Variants in GOLM2 observed in about 807,000 individuals in gnomAD.
GOLM2 encodes protein GOLM2.
Under a neutral mutation model 55.9 loss-of-function variants are expected in GOLM2, and 26 were observed. That is an observed-to-expected ratio of 0.47 (90% CI 0.34 to 0.65). The LOEUF (loss-of-function observed/expected upper bound fraction) is 0.65, where lower values mean the gene tolerates loss of function less well. Ranked by LOEUF, GOLM2 falls within the 30% of genes least tolerant of loss-of-function variation. GOLM2 has a pLI of 0.01. For missense variants in GOLM2, 486 were observed against 531.8 expected (o/e 0.91, Z 0.85); for synonymous variants, 165 against 194.6 (o/e 0.85, Z 1.27).
rs1198174096 is a variant in GOLM2 at position 44,374,081 on chromosome 15, A to G, written c.803-5609A>G. Among the ~76,000 whole-genome samples, 3 of 152,184 alleles carry G rather than the reference A, an allele frequency of 2.0e-5. No homozygotes were observed. In the East Asian group the frequency reaches 5.8e-4, roughly 29 times the overall value. On this transcript the variant is annotated intron_variant, in intron 6 of 9. Transcript: ENST00000299957. ...ACGTCACTTCATTCTAGCCTGGGCAACAGAGCAAGACTCAGTCTCAAAAAT... is the reference window on the plus strand; with the variant it reads ...ACGTCACTTCATTCTAGCCTGGGCAGCAGAGCAAGACTCAGTCTCAAAAAT...
chr15:44,337,914 T>C lies in GOLM2; in HGVS notation c.721+7T>C, dbSNP rs2079068286. The C allele has an allele frequency of 3.8e-6, 6 of 1,580,746 alleles. No individual in the cohort carries two copies. The highest frequency in any genetic ancestry group is 5.1e-6 in the Non-Finnish European group (6 of 1,170,624). On this transcript the variant is annotated splice_region_variant and intron_variant, in intron 5 of 9. Coordinates refer to ENST00000299957, the MANE Select transcript of GOLM2 (RefSeq NM_138423.4). ...CATATTCCACATGGGAAAGGTATTATTGTTATTATTCTTTTGTTTTGTATT... is the reference window on the plus strand; with the variant it reads ...CATATTCCACATGGGAAAGGTATTACTGTTATTATTCTTTTGTTTTGTATT...
intron 6 of GOLM2, among the ~76,000 whole-genome samples, chr15:44,357,447 A>G (rs1382603794): frequency 6.6e-6 from 1 of 152,234 alleles, no homozygotes; most frequent in East Asian, 1.9e-4. Flanking sequence ...AAGTAACAAC[A>G]TACCTAGTGA....
intron 3 of GOLM2, among the ~76,000 whole-genome samples, chr15:44,330,234 T>C (rs1026435466): frequency 8.0e-6 from 1 of 125,332 alleles, no homozygotes; most frequent in African/African-American, 3.3e-5. Flanking sequence ...AAAAAAAAGC[T>C]GAGTGCAGTG....
chr15:44,343,401 C>G (rs1393670573), intron 6 of GOLM2, among the ~76,000 whole-genome samples: 6 of 151,752 alleles, frequency 4.0e-5, no homozygotes, highest in Non-Finnish European at 8.8e-5. Context: ...TTTGCCACTC[C>G]TTTTTCTCAG....
chr15:44,334,982 T>G (rs572443891), intron 4 of GOLM2, among the ~76,000 whole-genome samples: 1 of 152,222 alleles, frequency 6.6e-6, no homozygotes, highest in Admixed American at 6.5e-5. Flanking sequence ...AGTGAGCCAG[T>G]ACTGCACCAC....
At chr15:44,354,204 C>G (rs1361939906) in intron 6 of GOLM2, among the ~76,000 whole-genome samples, 1 of 149,650 alleles carries the variant, frequency 6.7e-6, no homozygotes, top group Non-Finnish European at 1.5e-5. Context: ...CTCAAGCTGT[C>G]ACAGAACACT....
chr15:44,337,892 A>G lies in GOLM2; in HGVS notation c.706A>G (p.Ile236Val). The G allele has an allele frequency of 6.3e-7, 1 of 1,595,142 alleles. No individual in the cohort carries two copies. Residue 236 changes from isoleucine (I) to valine (V), a missense_variant, in exon 5 of 10, where the codon ATT becomes GTT. Coordinates refer to ENST00000299957, the MANE Select transcript of GOLM2 (RefSeq NM_138423.4). ...DKNEEPSSNH[I>V]PHGKEQIKRG... The stretch of plus-strand genomic sequence containing the variant: ...GAATGAAGAACCCTCAAGCAATCAT[A>G]TTCCACATGGGAAAGGTATTATTGT...
chr15:44,411,265 G>GC (rs1288999833), intron 9 of GOLM2, among the ~76,000 whole-genome samples: 1 of 151,674 alleles, frequency 6.6e-6, no homozygotes, highest in East Asian at 1.9e-4. Context: ...CAAGTGATCT[G>GC]CCTGCCTCTG....
At chr15:44,312,022 T>C (rs895733192) in intron 1 of GOLM2, among the ~76,000 whole-genome samples, 1 of 152,170 alleles carries the variant, frequency 6.6e-6, no homozygotes, top group African/African-American at 2.4e-5. Context: ...TGGGAGAATG[T>C]AACAAGAAAG....
intron 8 of GOLM2, among the ~76,000 whole-genome samples, chr15:44,396,522 G>A (rs2079528218): frequency 6.6e-6 from 1 of 152,112 alleles, no homozygotes; most frequent in Non-Finnish European, 1.5e-5. Context: ...AAAGGTTAAA[G>A]TTTATCTATT....
intron 2 of GOLM2, among the ~76,000 whole-genome samples, chr15:44,328,387 A>G (rs2078998867): frequency 6.6e-6 from 1 of 152,190 alleles, no homozygotes; most frequent in African/African-American, 2.4e-5. Context: ...TTGAGGTGAG[A>G]GAATCACTTG....
chr15:44,297,093 TG>T (rs2078761426), intron 1 of GOLM2, among the ~76,000 whole-genome samples: 1 of 152,216 alleles, frequency 6.6e-6, no homozygotes, highest in Admixed American at 6.5e-5. Context: ...GTTAGAAATT[TG>T]GTGTTGTCTT....
chr15:44,327,461 T>C (rs996385250), intron 2 of GOLM2, among the ~76,000 whole-genome samples: 1 of 152,090 alleles, frequency 6.6e-6, no homozygotes, highest in African/African-American at 2.4e-5. Context: ...CCAAGTATTT[T>C]TGGAGTGCTT....
At chr15:44,341,079 C>CTTTTT in intron 6 of GOLM2, among the ~76,000 whole-genome samples, 1 of 132,242 alleles carries the variant, frequency 7.6e-6, no homozygotes, top group Non-Finnish European at 1.6e-5. Flanking sequence ...ATACTTTTCT[C>CTTTTT]TTTTTTTTTT....
rs779032891 is a variant in GOLM2, at chr15:44,379,756, C to A, written c.869C>A (p.Thr290Asn). The A allele has an allele frequency of 6.2e-7, 1 of 1,607,826 alleles. No individual in the cohort carries two copies. Among genetic ancestry groups the A allele is most frequent in the South Asian group, 1.1e-5 (1 of 90,942 alleles). The change falls in exon 7 of 10, where the codon ACT becomes AAT. Residue 290 changes from threonine (T) to asparagine (N), a missense_variant. By Grantham distance (65) the Thr-to-Asn change is moderately conservative (BLOSUM62 0). Transcript: ENST00000299957. ...ESHQAISHLP[T>N]GQPLSPNMPP... ...CATCAAGCAATCTCCCATCTTCCAA[C>A]TGGACAACCTCTCTCCCCAAATATG...
intron 1 of GOLM2, among the ~76,000 whole-genome samples, chr15:44,313,909 A>C (rs1342872935): frequency 6.6e-6 from 1 of 152,204 alleles, no homozygotes; most frequent in African/African-American, 2.4e-5. Context: ...CATTATAGCC[A>C]GTCAAGACCA....
intron 6 of GOLM2, among the ~76,000 whole-genome samples, chr15:44,341,432 T>C (rs1169896787): frequency 6.6e-6 from 1 of 152,112 alleles, no homozygotes; most frequent in Non-Finnish European, 1.5e-5. Flanking sequence ...TCTAAATGTG[T>C]AATGTCTCCA....
intron 6 of GOLM2, among the ~76,000 whole-genome samples, chr15:44,377,827 A>G (rs2141191271): frequency 6.6e-6 from 1 of 152,012 alleles, no homozygotes; most frequent in Non-Finnish European, 1.5e-5. Flanking sequence ...AAGATAGTAT[A>G]TATGATATAA....
chr15:44,324,465 A>G (rs531568316), intron 2 of GOLM2, among the ~76,000 whole-genome samples: 2 of 152,308 alleles, frequency 1.3e-5, no homozygotes, highest in East Asian at 1.9e-4. Context: ...TTGAAATTCA[A>G]TAATGTGACT....
Sources: gnomAD v4.1 joint callset for allele counts (sites outside exome capture counted in the v4.1 genomes callset) on GRCh38, gnomAD v4.1.1 for gene constraint, MANE v1.5 for transcripts, NCBI Gene and HGNC (gene_info 2026-07-23, HGNC 2026-07-21) for gene names.